IDE: variants seen among roughly 807,000 people sequenced by gnomAD.
The protein encoded by IDE is insulin-degrading enzyme.
A neutral mutation model predicts 133.2 loss-of-function variants in IDE; 58 were observed. The observed-to-expected ratio is 0.44, with a 90% confidence interval of 0.35 to 0.54. The LOEUF is 0.54. Among genes scored for constraint, IDE ranks in the 20% least tolerant of loss-of-function variants. The pLI is 0.00. For missense variants in IDE, 981 were observed against 1,234.0 expected (o/e 0.79, Z 3.07); for synonymous variants, 396 against 421.3 (o/e 0.94, Z 0.73).
chr10:92,474,697 CACT>C (rs1180993712), intron 17 of IDE, 141 bp downstream of exon 17: 4 of 656,632 alleles, frequency 6.1e-6, no homozygotes, highest in African/African-American at 1.9e-5. Context: ...TCCTGCCCAC[CACT>C]GTTTTTATAA....
chr10:92,483,438 A>C (rs1846742653), intron 13 of IDE, 101 bp from the exon 14 acceptor site: 12 of 689,944 alleles, frequency 1.7e-5, no homozygotes, highest in South Asian at 9.9e-5. Flanking sequence ...AGCAATAGTT[A>C]GAGTTTTGTT....
At chr10:92,530,291 A>T (rs1849852998) in intron 4 of IDE, among the ~76,000 whole-genome samples, 1 of 151,038 alleles carries the variant, frequency 6.6e-6, no homozygotes, top group Non-Finnish European at 1.5e-5. Flanking sequence ...GAAAAAACAA[A>T]AAAAAAGTTG....
chr10:92,471,691 C>T (rs1358617293), intron 17 of IDE, among the ~76,000 whole-genome samples: 1 of 152,010 alleles, frequency 6.6e-6, no homozygotes, highest in African/African-American at 2.4e-5. Flanking sequence ...TCAAAGAAAC[C>T]CCATCTAATT....
chr10:92,526,439 A>C (rs780402951), intron 4 of IDE, among the ~76,000 whole-genome samples: 1 of 152,180 alleles, frequency 6.6e-6, no homozygotes, highest in Non-Finnish European at 1.5e-5. Context: ...TTTCACAGCT[A>C]CCAATCAGGT....
rs1845521774 is a variant in IDE at position 92,463,775 on chromosome 10, T to G, written c.2717A>C (p.Lys906Thr). 23 of 1,614,222 alleles carry G rather than the reference T, an allele frequency of 1.4e-5. No homozygotes were observed. Among genetic ancestry groups the G allele is most frequent in the Non-Finnish European group, 1.9e-5 (23 of 1,180,014 alleles). The change falls in exon 21 of 25, where the codon AAA becomes ACA. Residue 906 changes from lysine (K) to threonine (T), a missense_variant. Transcript: ENST00000265986. ...KPKKLSAECA[K>T]YWGEIISQQY... ...CTGGGAGATGATTTCTCCCCAGTAT[T>G]TAGCACACTCAGCAGATAGCTTCTT... is the stretch of plus-strand genomic sequence containing the variant.
chr10:92,474,164 A>G (rs1846128839), intron 17 of IDE, among the ~76,000 whole-genome samples: 1 of 152,128 alleles, frequency 6.6e-6, no homozygotes, highest in African/African-American at 2.4e-5. Flanking sequence ...CCCGGGCTCA[A>G]GCAATCCTCT....
Position 92,508,736 on chromosome 10 carries a change from T to A in IDE, c.1052A>T (p.Lys351Met), listed in dbSNP as rs748050024. Residue 351 changes from lysine (K) to methionine (M), a missense_variant, in exon 7 of 25, where the codon AAG (lysine) becomes ATG (methionine). By Grantham distance (95) the Lys-to-Met change is moderately conservative. Coordinates refer to ENST00000265986, the MANE Select transcript of IDE (RefSeq NM_004969.4). Reference protein sequence around the residue: ...EGPGSLLSELKSKGWVNTLVG... With the variant: ...EGPGSLLSELMSKGWVNTLVG... The stretch of plus-strand genomic sequence containing the variant: ...CTGCCCAGGAGACTTACCCTTTGAC[T>A]TAAGTTCTGATAACAGACTTCCAGG... 2 of 1,613,970 alleles carry A rather than the reference T, an allele frequency of 1.2e-6. No individual in the cohort carries two copies. Among genetic ancestry groups the A allele is most frequent in the South Asian group, 1.1e-5 (1 of 91,078 alleles).
At chr10:92,508,323 A>T in intron 7 of IDE, 118 bp from the exon 8 acceptor site, 1 of 796,562 alleles carries the variant, frequency 1.3e-6, no homozygotes, top group East Asian at 2.5e-5. Flanking sequence ...ACCTCTTGCG[A>T]AAAGATTGGG....
At chr10:92,531,993 C>A in intron 3 of IDE, 76 bp from the exon 4 acceptor site, 1 of 1,025,728 alleles carries the variant, frequency 9.7e-7, no homozygotes, top group South Asian at 2.8e-5. Context: ...ATTTTTGGAA[C>A]TTATTAGATA....
At chr10:92,507,277 A>G (rs2049434290) in intron 9 of IDE, among the ~76,000 whole-genome samples, 1 of 152,220 alleles carries the variant, frequency 6.6e-6, no homozygotes, top group Admixed American at 6.5e-5. Context: ...AATCCCTGAC[A>G]TATTCCAGCT....
chr10:92,460,866 A>G (rs1845344047), intron 22 of IDE, among the ~76,000 whole-genome samples: 1 of 152,170 alleles, frequency 6.6e-6, no homozygotes, highest in South Asian at 2.1e-4. Flanking sequence ...TTTGAGGCAC[A>G]GTTTCGCTCT....
chr10:92,465,234 A>G (rs1845614503), intron 20 of IDE, among the ~76,000 whole-genome samples: 1 of 152,128 alleles, frequency 6.6e-6, no homozygotes, highest in South Asian at 2.1e-4. Flanking sequence ...CCAGTACCTC[A>G]AGACTTTTAA....
intron 23 of IDE, 119 bp downstream of exon 23, chr10:92,456,240 T>G (rs970005955): frequency 6.7e-6 from 5 of 744,374 alleles, no homozygotes; most frequent in African/African-American, 3.5e-5. Context: ...AGACCTTATC[T>G]CCAGTTTCCG....
chr10:92,477,804 G>A (rs894848824), intron 15 of IDE, among the ~76,000 whole-genome samples: 1 of 152,130 alleles, frequency 6.6e-6, no homozygotes. Flanking sequence ...TTTTCTATTT[G>A]GAGCTAATTT....
In IDE at chr10:92,510,788, C is replaced by T. The variant is rs534369425; in HGVS notation, c.785-626G>A. ...TATGATATATAGCACATACATCTCA[C>T]ATGATATATAGCACATACATATCAC... On this transcript the variant is annotated intron_variant, in intron 5 of 24. Coordinates refer to ENST00000265986, the MANE Select transcript of IDE (RefSeq NM_004969.4). Among the ~76,000 whole-genome samples the T allele has an allele frequency of 6.7e-4, 100 of 148,274 alleles. 1 individual carries two copies. Among genetic ancestry groups the T allele is most frequent in the African/African-American group, 2.4e-3 (99 of 40,444 alleles).
intron 1 of IDE, chr10:92,572,917 G>A: frequency 1.0e-6 from 1 of 985,076 alleles, no homozygotes; most frequent in Non-Finnish European, 1.2e-6. Context: ...ACACACCCTT[G>A]TAGCTATCTC....
Position 92,468,859 on chromosome 10 carries a change from G to A in IDE, c.2320+20C>T. 3 of 1,317,586 alleles carry A rather than the reference G, an allele frequency of 2.3e-6. No individual in the cohort carries two copies. The highest frequency in any genetic ancestry group is 3.3e-6 in the Non-Finnish European group (3 of 909,822). The allele number at this position is 1,317,586 out of a possible 1,614,324, so 81.6% of individuals were successfully genotyped here. On this transcript the variant is annotated intron_variant, in intron 19 of 24. Coordinates refer to ENST00000265986, the MANE Select transcript of IDE (RefSeq NM_004969.4). ...TATGTCAAAATAGTCCATTCCCAAA[G>A]TTACAACATCTCTACTTACTGTCAG...
chr10:92,458,706 T>G (rs376175347), intron 22 of IDE, among the ~76,000 whole-genome samples: 1 of 152,004 alleles, frequency 6.6e-6, no homozygotes. Context: ...TTCACCATGT[T>G]GGTCAGGCTG....
chr10:92,558,957 A>G (rs1371007348), intron 1 of IDE: 1 of 152,124 alleles, frequency 6.6e-6, no homozygotes, highest in Non-Finnish European at 1.5e-5. Context: ...CAATTAACAA[A>G]TAGAAAAAGG....
Sources: gnomAD v4.1 joint callset for allele counts (sites outside exome capture counted in the v4.1 genomes callset) on GRCh38, gnomAD v4.1.1 for gene constraint, MANE v1.5 for transcripts, NCBI Gene and HGNC (gene_info 2026-07-23, HGNC 2026-07-21) for gene names.